CADM2: variants seen among roughly 807,000 people sequenced by gnomAD.
CADM2 encodes the protein immunoglobulin superfamily member 4D.
CADM2 carries 12 observed loss-of-function variants against 49.8 expected under a neutral mutation model. The observed-to-expected ratio is 0.24, with a 90% CI of 0.15 to 0.39. The LOEUF is 0.39. CADM2 is among the 10% of genes least tolerant of loss of function. The pLI, the probability that CADM2 is intolerant of heterozygous loss-of-function variation, is 1.00. For synonymous variants in CADM2, 214 were observed against 175.4 expected, an observed-to-expected ratio of 1.22 and a Z score of -1.74; for missense variants, 378 against 492.3, an observed-to-expected ratio of 0.77 and a Z score of 2.20.
intron 1 of CADM2, among the ~76,000 whole-genome samples, chr3:85,289,816 G>A (rs182306626): frequency 6.6e-6 from 1 of 152,232 alleles, no homozygotes; most frequent in Non-Finnish European, 1.5e-5. Flanking sequence ...AAATTTACTT[G>A]TATTAATCCA....
At chr3:85,155,337 CAAAG>C (rs1341004931) in intron 1 of CADM2, among the ~76,000 whole-genome samples, 2 of 150,438 alleles carry the variant, frequency 1.3e-5, no homozygotes, top group African/African-American at 4.9e-5. Flanking sequence ...TCAAAAGAGA[CAAAG>C]AAGGCCATTA....
At chr3:85,767,957 A>C (rs1413163160) in intron 2 of CADM2, among the ~76,000 whole-genome samples, 1 of 152,148 alleles carries the variant, frequency 6.6e-6, no homozygotes, top group South Asian at 2.1e-4. Context: ...TAAAATCTAT[A>C]CAACAAAGAT....
At chr3:85,968,535 T>A (rs1026430070) in intron 8 of CADM2, among the ~76,000 whole-genome samples, 5 of 151,574 alleles carry the variant, frequency 3.3e-5, no homozygotes, top group Admixed American at 2.6e-4. Flanking sequence ...GAAATGTACA[T>A]AGGAAAAAAC....
chr3:85,258,566 G>A (rs946468222), intron 1 of CADM2, among the ~76,000 whole-genome samples: 11 of 151,442 alleles, frequency 7.3e-5, no homozygotes, highest in Non-Finnish European at 1.6e-4. Flanking sequence ...TCAGGTTGCC[G>A]GAAGAAAGCC....
At chr3:85,042,248 A>G (rs956416117) in intron 1 of CADM2, among the ~76,000 whole-genome samples, 1 of 152,178 alleles carries the variant, frequency 6.6e-6, no homozygotes, top group African/African-American at 2.4e-5. Flanking sequence ...TTTGAGAACA[A>G]CAGCTTCAAC....
intron 1 of CADM2, among the ~76,000 whole-genome samples, chr3:85,534,899 G>A (rs927089325): frequency 6.6e-6 from 1 of 152,052 alleles, no homozygotes; most frequent in Non-Finnish European, 1.5e-5. Flanking sequence ...TGTTGTTTAT[G>A]TCAAACTGAA....
At chr3:85,495,950 T>C (rs1242661913) in intron 1 of CADM2, among the ~76,000 whole-genome samples, 1 of 152,142 alleles carries the variant, frequency 6.6e-6, no homozygotes, top group East Asian at 1.9e-4. Flanking sequence ...ATATCAGTTA[T>C]TAATAATGGT....
At chr3:85,105,246 C>T (rs995660786) in intron 1 of CADM2, among the ~76,000 whole-genome samples, 16 of 151,992 alleles carry the variant, frequency 1.1e-4, no homozygotes, top group Admixed American at 2.0e-4. Flanking sequence ...AACAAATTTA[C>T]AAGGAAAAAA....
intron 1 of CADM2, among the ~76,000 whole-genome samples, chr3:85,644,307 G>A (rs1332472100): frequency 6.6e-6 from 1 of 152,122 alleles, no homozygotes; most frequent in East Asian, 1.9e-4. Flanking sequence ...AAGGATGCCA[G>A]TCTTACTGGA....
intron 1 of CADM2, among the ~76,000 whole-genome samples, chr3:85,197,388 A>G (rs2041369060): frequency 6.6e-6 from 1 of 151,958 alleles, no homozygotes; most frequent in Admixed American, 6.6e-5. Context: ...TTATTTTTTC[A>G]ACAAACATTG....
chr3:85,624,957 A>G (rs2064081370), intron 1 of CADM2, among the ~76,000 whole-genome samples: 1 of 152,136 alleles, frequency 6.6e-6, no homozygotes, highest in African/African-American at 2.4e-5. Flanking sequence ...CATGAGAGAT[A>G]GATGTGGGTT....
intron 3 of CADM2, among the ~76,000 whole-genome samples, chr3:85,832,645 T>G (rs2074233526): frequency 2.6e-5 from 4 of 151,972 alleles, no homozygotes; most frequent in African/African-American, 9.7e-5. Context: ...CTGATTTTTA[T>G]ACATTGATTT....
At chr3:86,019,721 T>A (rs1199416331) in intron 8 of CADM2, among the ~76,000 whole-genome samples, 2 of 152,138 alleles carry the variant, frequency 1.3e-5, no homozygotes, top group Admixed American at 6.5e-5. Context: ...TTTTTGTACA[T>A]TGATTTTGTA....
chr3:86,020,605 C>T (rs1248156984), intron 8 of CADM2, among the ~76,000 whole-genome samples: 4 of 151,646 alleles, frequency 2.6e-5, no homozygotes, highest in Non-Finnish European at 2.9e-5. Flanking sequence ...ACTGGCAAAA[C>T]GAATCCAGCA....
rs554342392 is a variant in CADM2 at position 85,094,958 on chromosome 3, C to T, written c.61+135290C>T. Among the ~76,000 whole-genome samples the T allele has an allele frequency of 5.3e-5, 8 of 152,054 alleles. No homozygotes were observed. The South Asian group carries it at 8.3e-4, about 16-fold the overall frequency. On this transcript the variant is annotated intron_variant, in intron 1 of 9. Transcript: ENST00000383699. Reference sequence around the variant, plus strand: ...TTAAGCATTAATATGTGCCAGTCTCCGAAAGGACCATGTATATGAATTCTT... The same window carrying T: ...TTAAGCATTAATATGTGCCAGTCTCTGAAAGGACCATGTATATGAATTCTT...
intron 7 of CADM2, among the ~76,000 whole-genome samples, chr3:85,942,405 A>G (rs979139510): frequency 1.2e-4 from 18 of 151,868 alleles, no homozygotes; most frequent in Admixed American, 1.1e-3. Flanking sequence ...ACATATATAT[A>G]AATGTGCCAT....
rs1739227688 is a variant in CADM2 at position 86,065,717 on chromosome 3, G to A, written c.1083G>A (p.Leu361=). The change falls in exon 9 of 10, where the codon CTG becomes CTA. Residue 361 remains leucine (L), a synonymous_variant. Coordinates refer to ENST00000383699, the MANE Select transcript of CADM2 (RefSeq NM_001167675.2). The part of the protein sequence containing the change: ...LCSIFLLGRY[L]ARHKGTYLTN... ...CTATCTTTCTGCTTGGTCGATATCT[G>A]GCAAGGCATAAAGGTACGTTATATT... The A allele has an allele frequency of 1.2e-6, 2 of 1,613,818 alleles. No homozygotes were observed. The highest frequency in any genetic ancestry group is 8.5e-7 in the Non-Finnish European group (1 of 1,179,900).
At chr3:85,683,409 A>G (rs1321069340) in intron 1 of CADM2, among the ~76,000 whole-genome samples, 1 of 152,196 alleles carries the variant, frequency 6.6e-6, no homozygotes. Context: ...TGAATGTCAT[A>G]GAGCTGTGTG....
chr3:85,877,009 C>T (rs1050556819), intron 3 of CADM2, among the ~76,000 whole-genome samples: 3 of 151,944 alleles, frequency 2.0e-5, no homozygotes, highest in Non-Finnish European at 4.4e-5. Flanking sequence ...TCATTTTATC[C>T]AGAGTTAAGT....
Sources: allele counts gnomAD v4.1 joint callset (sites outside exome capture counted in the v4.1 genomes callset), GRCh38; gene constraint gnomAD v4.1.1; transcripts MANE v1.5; gene names NCBI Gene and HGNC (gene_info 2026-07-23, HGNC 2026-07-21).